Variants in CHST9 observed in about 807,000 individuals in gnomAD.
CHST9 encodes the protein carbohydrate sulfotransferase 9, also known as GalNAc-4-sulfotransferase 2.
A neutral mutation model predicts 44.4 loss-of-function variants in CHST9; 41 were observed. That is an observed-to-expected ratio of 0.92 (90% CI 0.72 to 1.20). CHST9 has a LOEUF of 1.20. Among genes scored for constraint, CHST9 ranks in the 50% most tolerant of loss-of-function variants. The pLI is 0.00. For missense variants in CHST9, 504 were observed against 516.5 expected, an observed-to-expected ratio of 0.98 and a Z score of 0.23; for synonymous variants, 171 against 178.4, an observed-to-expected ratio of 0.96 and a Z score of 0.33.
At position 27,165,924 on chromosome 18, in the gene CHST9, C is replaced by T. The variant is rs1024838166; in HGVS notation, c.-97+19212G>A. On this transcript the variant is annotated intron_variant, in intron 1 of 5. Transcript: ENST00000618847. The stretch of plus-strand genomic sequence containing the variant: ...AGCCACATAGAACTTCCTTTTTTAA[C>T]GGCTACAAGTTCTTGCTATCACAAA... Among the ~76,000 whole-genome samples, 9 of 152,180 alleles carry T rather than the reference C, an allele frequency of 5.9e-5. 1 individual carries two copies. In the South Asian group the frequency reaches 8.3e-4, roughly 14 times the overall value.
intron 1 of CHST9, among the ~76,000 whole-genome samples, chr18:27,178,077 G>A (rs2058882555): frequency 6.6e-6 from 1 of 151,978 alleles, no homozygotes; most frequent in Non-Finnish European, 1.5e-5. Context: ...TCAGTCTGAG[G>A]TTGAATGTTG....
At chr18:26,987,478 G>C (rs913345372) in intron 4 of CHST9, among the ~76,000 whole-genome samples, 1 of 152,072 alleles carries the variant, frequency 6.6e-6, no homozygotes, top group Non-Finnish European at 1.5e-5. Context: ...ACCGAAAAAA[G>C]TTGTTTAAAC....
intron 5 of CHST9, among the ~76,000 whole-genome samples, chr18:26,921,489 A>G (rs2145059323): frequency 6.6e-6 from 1 of 152,024 alleles, no homozygotes; most frequent in South Asian, 2.1e-4. Context: ...TTCTCCTGGA[A>G]CTCCTCATCT....
At chr18:27,071,188 C>T (rs8096493) in intron 2 of CHST9, among the ~76,000 whole-genome samples, 154 of 152,328 alleles carry the variant, frequency 1.0e-3, no homozygotes, top group African/African-American at 3.6e-3. Flanking sequence ...ACCTTTGTAA[C>T]CAGAGTAGTT....
intron 3 of CHST9, among the ~76,000 whole-genome samples, chr18:27,035,925 A>C (rs2057386165): frequency 6.6e-6 from 1 of 152,198 alleles, no homozygotes; most frequent in African/African-American, 2.4e-5. Flanking sequence ...TGGATATGTT[A>C]ATTAGTGTGA....
At position 27,094,512 on chromosome 18, in the gene CHST9, CA is replaced by C. The variant is rs1470469581; in HGVS notation, c.122-46010del. ...TTACCAAATTGTTAAAGAGATTTAG[CA>C]ATTTCTTATGTATAACTATTTTATG... On this transcript the variant is annotated intron_variant, in intron 2 of 5. Transcript: ENST00000618847. Among the ~76,000 whole-genome samples, 5 of 152,186 alleles carry C rather than the reference CA, an allele frequency of 3.3e-5. No homozygotes were observed. In the East Asian group the frequency reaches 9.7e-4, roughly 29 times the overall value.
At chr18:26,975,156 T>A (rs915964124) in intron 4 of CHST9, among the ~76,000 whole-genome samples, 2 of 152,096 alleles carry the variant, frequency 1.3e-5, no homozygotes, top group African/African-American at 4.8e-5. Context: ...TAGATAAGGT[T>A]CTCCTGAGCC....
chr18:27,095,048 G>A (rs185411699), intron 2 of CHST9, among the ~76,000 whole-genome samples: 1 of 152,124 alleles, frequency 6.6e-6, no homozygotes, highest in Admixed American at 6.5e-5. Flanking sequence ...TATTCTTTTG[G>A]GGAAGATCCC....
intron 4 of CHST9, among the ~76,000 whole-genome samples, chr18:27,019,690 A>G (rs924319167): frequency 3.0e-5 from 1 of 33,772 alleles, no homozygotes; most frequent in African/African-American, 1.0e-4. Flanking sequence ...ACTACATGGC[A>G]AAAAAAAAAA....
Position 26,907,423 on chromosome 18 carries a change from A to G in CHST9, c.*8836T>C, listed in dbSNP as rs186034705. 2.5e-3 allele frequency: 376 copies of G among 152,378 alleles called. No homozygotes were observed. Among genetic ancestry groups the G allele is most frequent in the South Asian group, 6.8e-3 (33 of 4,820 alleles). 9.4% of individuals were successfully genotyped at this position (152,378 alleles called of 1,614,324 possible). The stretch of plus-strand genomic sequence containing the variant: ...TGAGACATCTAGATGAAGCAGTCCC[A>G]CAAGAAACTGGGAATCTGAATCAAA... On this transcript the variant is annotated 3_prime_UTR_variant, in exon 6 of 6. Coordinates refer to ENST00000618847, the MANE Select transcript of CHST9 (RefSeq NM_031422.6).
chr18:26,934,436 A>T (rs551798440), intron 5 of CHST9: 1 of 151,994 alleles, frequency 6.6e-6, no homozygotes, highest in South Asian at 2.1e-4. Context: ...GGGTTTCACC[A>T]TGTTAGTCAG....
intron 2 of CHST9, among the ~76,000 whole-genome samples, chr18:27,111,749 A>T (rs914447805): frequency 1.3e-5 from 2 of 152,184 alleles, no homozygotes; most frequent in Admixed American, 1.3e-4. Context: ...TAGCACTTGT[A>T]TTGGCAGACG....
At chr18:27,141,783 C>G (rs1193329843) in intron 2 of CHST9, among the ~76,000 whole-genome samples, 1 of 147,876 alleles carries the variant, frequency 6.8e-6, no homozygotes, top group African/African-American at 2.5e-5. Context: ...CAACTGGAGA[C>G]AATCAAAAAA....
At chr18:26,952,229 C>T (rs756655196) in intron 4 of CHST9, 13 of 527,212 alleles carry the variant, frequency 2.5e-5, no homozygotes, top group East Asian at 1.1e-4. Flanking sequence ...CAAGGCTCCC[C>T]GGACTTCTGG....
intron 4 of CHST9, among the ~76,000 whole-genome samples, chr18:26,978,321 T>C (rs1306153452): frequency 6.6e-6 from 1 of 151,752 alleles, no homozygotes. Flanking sequence ...TCAGAGTAGA[T>C]TGCTAAGGAC....
intron 4 of CHST9, among the ~76,000 whole-genome samples, chr18:27,002,043 A>G (rs2056959341): frequency 6.6e-6 from 1 of 152,080 alleles, no homozygotes; most frequent in Admixed American, 6.5e-5. Context: ...AAGATTGACA[A>G]AGTAAAAAAA....
intron 3 of CHST9, among the ~76,000 whole-genome samples, chr18:27,040,784 G>A (rs1309493274): frequency 6.6e-6 from 1 of 152,036 alleles, no homozygotes; most frequent in Admixed American, 6.6e-5. Flanking sequence ...AAATGTTTGT[G>A]GTCATTTCTA....
chr18:27,055,959 T>C (rs62082159), intron 2 of CHST9, among the ~76,000 whole-genome samples: 28 of 152,006 alleles, frequency 1.8e-4, no homozygotes, highest in South Asian at 6.2e-4. Context: ...TGTGTGTGTG[T>C]GTGTATACAC....
rs999230277 is a variant in CHST9 at position 26,912,913 on chromosome 18, T to C, written c.*3346A>G. 1.3e-5 allele frequency: 2 copies of C among 152,182 alleles called. No homozygotes were observed. The highest frequency in any genetic ancestry group is 4.8e-5 in the African/African-American group (2 of 41,444). The allele number at this position is 152,182 out of a possible 1,614,324, so 9.4% of individuals were successfully genotyped here. A position where few individuals can be genotyped will look rare whatever the true frequency, so the allele number is the denominator to read the frequency against. ...TAATTAAACGCCTTTGGCCAATCCT[T>C]TTTCAAGTATCAGAGCATCTTGGGA... On this transcript the variant is annotated 3_prime_UTR_variant, in exon 6 of 6. Transcript: ENST00000618847.
Sources: allele counts gnomAD v4.1 joint callset (sites outside exome capture counted in the v4.1 genomes callset), GRCh38; gene constraint gnomAD v4.1.1; transcripts MANE v1.5; gene names NCBI Gene and HGNC (gene_info 2026-07-23, HGNC 2026-07-21).